FNBP4: variants seen among roughly 807,000 people sequenced by gnomAD.
The protein encoded by FNBP4 is formin binding protein 4.
A neutral mutation model predicts 119.3 loss-of-function variants in FNBP4; 34 were observed. The observed-to-expected ratio is 0.28, with a 90% CI of 0.22 to 0.38. The LOEUF (loss-of-function observed/expected upper bound fraction) is 0.38, where lower values mean the gene tolerates loss of function less well. FNBP4 is among the 10% of genes least tolerant of loss of function. The pLI is 1.00. For missense variants in FNBP4, 1,112 were observed against 1,228.9 expected (o/e 0.90, Z 1.42); for synonymous variants, 462 against 430.6 (o/e 1.07, Z -0.90).
In FNBP4 at chr11:47,746,516, C is replaced by T. The variant is rs570126134; in HGVS notation, c.907-122G>A. ...AGTAGCTGAATACTCAAGGTAAAAA[C>T]GACTTTTTTTTTTTTTGAGATGGAG... On this transcript the variant is annotated intron_variant, in intron 6 of 16. Coordinates refer to ENST00000263773, the MANE Select transcript of FNBP4 (RefSeq NM_015308.5). The T allele has an allele frequency of 9.8e-5, 91 of 928,616 alleles. 1 individual carries two copies. In the South Asian group the frequency reaches 1.4e-3, roughly 14 times the overall value. The allele number at this position is 928,616 out of a possible 1,614,324, so 57.5% of individuals were successfully genotyped here. A position where few individuals can be genotyped will look rare whatever the true frequency, so the allele number is the denominator to read the frequency against.
At chr11:47,719,379 C>T (rs983472593) in intron 16 of FNBP4, among the ~76,000 whole-genome samples, 2 of 152,158 alleles carry the variant, frequency 1.3e-5, no homozygotes, top group Admixed American at 1.3e-4. Context: ...GTGTGGTGTG[C>T]TCTCTCATTA....
chr11:47,759,616 T>C (rs576568662), intron 2 of FNBP4, among the ~76,000 whole-genome samples: 6 of 152,214 alleles, frequency 3.9e-5, no homozygotes, highest in African/African-American at 1.4e-4. Flanking sequence ...TTGTATACAG[T>C]ACTGATGGAT....
intron 2 of FNBP4, among the ~76,000 whole-genome samples, chr11:47,764,238 T>C (rs945254450): frequency 1.3e-5 from 2 of 152,138 alleles, no homozygotes; most frequent in African/African-American, 2.4e-5. Flanking sequence ...TGCGCCACCA[T>C]GCCCAGCTAA....
At chr11:47,743,198 T>C (rs2097584732) in intron 8 of FNBP4, among the ~76,000 whole-genome samples, 1 of 152,000 alleles carries the variant, frequency 6.6e-6, no homozygotes, top group Admixed American at 6.6e-5. Flanking sequence ...ACTACAGAAT[T>C]AGGGCCACAG....
chr11:47,757,063 TA>T (rs1408288121), intron 2 of FNBP4, among the ~76,000 whole-genome samples: 3 of 152,204 alleles, frequency 2.0e-5, no homozygotes, highest in Admixed American at 6.5e-5. Flanking sequence ...ATATACCCAG[TA>T]ATGGGATCGC....
At chr11:47,721,171 A>C (rs185987362) in intron 15 of FNBP4, among the ~76,000 whole-genome samples, 28 of 150,828 alleles carry the variant, frequency 1.9e-4, no homozygotes, top group Admixed American at 1.8e-3. Flanking sequence ...AATACAAAAC[A>C]TAAGCCTGGC....
At chr11:47,758,577 G>A (rs989210349) in intron 2 of FNBP4, among the ~76,000 whole-genome samples, 6 of 151,954 alleles carry the variant, frequency 3.9e-5, no homozygotes, top group African/African-American at 1.2e-4. Context: ...TTACATGGAC[G>A]TTTGTGGACA....
chr11:47,732,750 C>T lies in FNBP4; in HGVS notation c.1687-80G>A. The stretch of plus-strand genomic sequence containing the variant: ...AGGCAAAGGGGATATAAACCTTCTG[C>T]TCCAAGACTATATCCCTGTGCTCTG... On this transcript the variant is annotated intron_variant, in intron 10 of 16. Transcript: ENST00000263773. This position sits in a 1 kb window ranked among gnomAD's most constrained non-coding sequence, Gnocchi z 4.2. 1 of 1,335,238 alleles carries T rather than the reference C, an allele frequency of 7.5e-7. No individual in the cohort carries two copies. Among genetic ancestry groups the T allele is most frequent in the Non-Finnish European group, 1.1e-6 (1 of 934,992 alleles). The allele number at this position is 1,335,238 out of a possible 1,614,324, so 82.7% of individuals were successfully genotyped here. A position where few individuals can be genotyped will look rare whatever the true frequency, so the allele number is the denominator to read the frequency against.
In FNBP4 at chr11:47,734,033, G is replaced by A; in HGVS notation, c.1678C>T (p.Gln560Ter). The change falls in exon 10 of 17, where the codon CAG (glutamine) becomes TAG (stop). Residue 560 changes from glutamine to a stop codon, truncating the protein, a stop_gained. Transcript: ENST00000263773. LOFTEE classifies it high-confidence loss of function. ...SISNFHVLLL[Q>*]TETRIADWRE... ...AAAAAAAAAAGACTTACCTCAGTCTGTAAGAGCAGCACATGAAAGTTGGAG... is the reference window on the plus strand; with the variant it reads ...AAAAAAAAAAGACTTACCTCAGTCTATAAGAGCAGCACATGAAAGTTGGAG... 7.3e-7 allele frequency: 1 copy of A among 1,362,682 alleles called. No homozygotes were observed. 84.4% of individuals were successfully genotyped at this position (1,362,682 alleles called of 1,614,324 possible).
chr11:47,719,132 C>T (rs1454710225), intron 16 of FNBP4, among the ~76,000 whole-genome samples: 1 of 152,222 alleles, frequency 6.6e-6, no homozygotes, highest in African/African-American at 2.4e-5. Flanking sequence ...TCGTGATCCA[C>T]CCGCCTTGGC....
At chr11:47,759,126 G>T (rs567969583) in intron 2 of FNBP4, among the ~76,000 whole-genome samples, 1 of 151,998 alleles carries the variant, frequency 6.6e-6, no homozygotes, top group South Asian at 2.1e-4. Context: ...CACCATGTTG[G>T]CCACGCTGGT....
At position 47,723,306 on chromosome 11, in the gene FNBP4, T is replaced by C. The variant is rs2097557813; in HGVS notation, c.2475A>G (p.Ala825=). Reference sequence around the variant, plus strand: ...CTGTTGCCTGGTTTCCAATCCCTGCTGCCTGGTGACCTAACACAGAAAACA... The same window carrying C: ...CTGTTGCCTGGTTTCCAATCCCTGCCGCCTGGTGACCTAACACAGAAAACA... ...SQSAIATGHQ[A]AGIGNQATGI... Residue 825 remains alanine, a synonymous_variant, in exon 15 of 17, where the codon GCA becomes GCG. Transcript: ENST00000263773. 7 of 1,608,790 alleles carry C rather than the reference T, an allele frequency of 4.4e-6. No homozygotes were observed. In the East Asian group the frequency reaches 1.6e-4, roughly 36 times the overall value.
Position 47,767,204 on chromosome 11 carries a change from G to T in FNBP4, c.85C>A (p.Arg29=). ...GTGTCGGGTTCCGGCTCCGGGTCCCGGCCCGGCGTGCTGCCCCGAGGACCC... is the reference window on the plus strand; with the variant it reads ...GTGTCGGGTTCCGGCTCCGGGTCCCTGCCCGGCGTGCTGCCCCGAGGACCC... ...PPGPRGSTPG[R]DPEPEPDTEP... Residue 29 remains arginine, a synonymous_variant, in exon 1 of 17, where the codon CGG becomes AGG. Transcript: ENST00000263773. The T allele has an allele frequency of 6.4e-7, 1 of 1,563,982 alleles. No individual in the cohort carries two copies. Among genetic ancestry groups the T allele is most frequent in the Non-Finnish European group, 8.6e-7 (1 of 1,161,360 alleles).
chr11:47,751,553 C>A (rs1324382256), intron 4 of FNBP4, among the ~76,000 whole-genome samples: 2 of 152,054 alleles, frequency 1.3e-5, no homozygotes, highest in African/African-American at 2.4e-5. Flanking sequence ...TGTCAAATAT[C>A]CCCTAGGGGC....
chr11:47,751,975 T>C (rs2087967795), intron 4 of FNBP4, among the ~76,000 whole-genome samples: 1 of 151,770 alleles, frequency 6.6e-6, no homozygotes, highest in Non-Finnish European at 1.5e-5. Context: ...AAAAAGCAGT[T>C]TGCTGGTCCA....
intron 1 of FNBP4, among the ~76,000 whole-genome samples, chr11:47,765,651 A>AAAT (rs2097646195): frequency 7.2e-6 from 1 of 139,806 alleles, no homozygotes; most frequent in Non-Finnish European, 1.5e-5. Flanking sequence ...CTAAAAATAC[A>AAAT]AAAAATAAAA....
In FNBP4 at chr11:47,767,173, G is replaced by A. The variant is rs774133889; in HGVS notation, c.116C>T (p.Pro39Leu). 7 of 1,556,178 alleles carry A rather than the reference G, an allele frequency of 4.5e-6. No homozygotes were observed. In the African/African-American group the frequency reaches 6.9e-5, roughly 15 times the overall value. ...RDPEPEPDTE[P>L]DSTAAVPSQP... ...GCTGGGGACCGCCGCGGTTGAGTCC[G>A]GCTCAGTGTCGGGTTCCGGCTCCGG... Residue 39 changes from proline (P) to leucine (L), a missense_variant, in exon 1 of 17, where the codon CCG becomes CTG. Around this residue, in one of 2 missense-constraint regions of FNBP4, gnomAD observed 286 missense variants for 240.1 expected, o/e 1.19. Coordinates refer to ENST00000263773, the MANE Select transcript of FNBP4 (RefSeq NM_015308.5).
chr11:47,765,764 G>C (rs1287274958), intron 1 of FNBP4, among the ~76,000 whole-genome samples: 1 of 151,542 alleles, frequency 6.6e-6, no homozygotes, highest in African/African-American at 2.4e-5. Flanking sequence ...TGCAGCCTGG[G>C]CCACAGAGGA....
chr11:47,719,404 A>G (rs1462109660), intron 16 of FNBP4, among the ~76,000 whole-genome samples: 1 of 152,228 alleles, frequency 6.6e-6, no homozygotes, highest in African/African-American at 2.4e-5. Context: ...CTGTTCTAGA[A>G]TAAGTGCAAT....
Sources: allele counts gnomAD v4.1 joint callset (sites outside exome capture counted in the v4.1 genomes callset), GRCh38; gene constraint gnomAD v4.1.1; regional missense constraint gnomAD v4.1.1; non-coding constraint Gnocchi (gnomAD v3.1); transcripts MANE v1.5; gene names NCBI Gene and HGNC (gene_info 2026-07-23, HGNC 2026-07-21).